Variants in MYO5B observed in about 807,000 individuals in gnomAD.
The protein encoded by MYO5B is myosin VB, also known as unconventional myosin-Vb.
A neutral mutation model predicts 229.3 loss-of-function variants in MYO5B; 143 were observed. That is an observed-to-expected ratio of 0.62 (90% confidence interval 0.54 to 0.72). The LOEUF is 0.72. MYO5B is among the 30% of genes least tolerant of loss of function. The probability of loss-of-function intolerance (pLI) is 0.00; values close to 1 mark genes in which losing one functional copy is unlikely to be tolerated. For synonymous variants in MYO5B, 918 were observed against 885.2 expected, an observed-to-expected ratio of 1.04 and a Z score of -0.66; for missense variants, 2,321 against 2,331.0, an observed-to-expected ratio of 1.00 and a Z score of 0.09.
At chr18:49,884,421 G>C (rs376337044) in intron 22 of MYO5B, among the ~76,000 whole-genome samples, 1 of 151,786 alleles carries the variant, frequency 6.6e-6, no homozygotes, top group African/African-American at 2.4e-5. Flanking sequence ...CCATAATGTA[G>C]AATCAGTGGG....
At chr18:50,052,981 G>T (rs932448001) in intron 2 of MYO5B, among the ~76,000 whole-genome samples, 2 of 152,168 alleles carry the variant, frequency 1.3e-5, no homozygotes, top group East Asian at 1.9e-4. Flanking sequence ...CAGGGGGAGG[G>T]AGGATGCACG....
intron 1 of MYO5B, among the ~76,000 whole-genome samples, chr18:50,115,856 T>G (rs185128693): frequency 6.6e-6 from 1 of 152,142 alleles, no homozygotes; most frequent in African/African-American, 2.4e-5. Flanking sequence ...AGTTCTGGAT[T>G]TTTTTCATTG....
At chr18:49,914,709 G>A (rs1047475732) in intron 17 of MYO5B, among the ~76,000 whole-genome samples, 2 of 150,866 alleles carry the variant, frequency 1.3e-5, no homozygotes, top group African/African-American at 2.4e-5. Context: ...GAAACCAGGA[G>A]GTGGAGGCTG....
chr18:49,905,257 C>T (rs573042209), intron 19 of MYO5B, among the ~76,000 whole-genome samples: 3 of 152,342 alleles, frequency 2.0e-5, no homozygotes, highest in African/African-American at 7.2e-5. Context: ...CCTGGACCCA[C>T]TGTAGGCACT....
intron 14 of MYO5B, among the ~76,000 whole-genome samples, chr18:49,944,992 C>T (rs1435662514): frequency 1.3e-5 from 2 of 152,218 alleles, no homozygotes; most frequent in African/African-American, 4.8e-5. Flanking sequence ...TCCTACCCGA[C>T]CTCTTCAAAG....
chr18:50,072,569 G>C (rs1306941879), intron 1 of MYO5B, among the ~76,000 whole-genome samples: 3 of 152,150 alleles, frequency 2.0e-5, no homozygotes, highest in African/African-American at 7.2e-5. Context: ...TACCTCACAA[G>C]GGCATCAAAA....
chr18:50,128,194 A>G (rs549878663), intron 1 of MYO5B, among the ~76,000 whole-genome samples: 1 of 152,298 alleles, frequency 6.6e-6, no homozygotes, highest in African/African-American at 2.4e-5. Flanking sequence ...ATACACTACT[A>G]TTGGTTTGGC....
intron 29 of MYO5B, among the ~76,000 whole-genome samples, chr18:49,858,626 G>A (rs922622108): frequency 5.3e-5 from 8 of 152,350 alleles, no homozygotes; most frequent in African/African-American, 1.4e-4. Flanking sequence ...TGGGGCACGC[G>A]AAGCTGACTC....
chr18:50,026,951 TC>T (rs1306757361), intron 4 of MYO5B, among the ~76,000 whole-genome samples: 1 of 152,194 alleles, frequency 6.6e-6, no homozygotes, highest in African/African-American at 2.4e-5. Flanking sequence ...CTCGTTACTG[TC>T]CCTGGACACT....
At chr18:49,930,999 A>C (rs758754286) in intron 16 of MYO5B, among the ~76,000 whole-genome samples, 1 of 152,138 alleles carries the variant, frequency 6.6e-6, no homozygotes, top group Non-Finnish European at 1.5e-5. Flanking sequence ...GCAACCTAGA[A>C]TTAATCACTA....
intron 35 of MYO5B, chr18:49,840,310 G>A (rs189717975): frequency 6.6e-5 from 10 of 152,316 alleles, no homozygotes; most frequent in Non-Finnish European, 1.3e-4. Context: ...GAAGTCATGG[G>A]GTTTGAAATG....
chr18:50,097,650 T>C (rs2031578159), intron 1 of MYO5B: 1 of 180,818 alleles, frequency 5.5e-6, no homozygotes, highest in African/African-American at 2.4e-5. Flanking sequence ...GATGGGTATG[T>C]CGACCTCACA....
chr18:49,911,864 A>C (rs938014780), intron 18 of MYO5B, among the ~76,000 whole-genome samples, 198 bp downstream of exon 18: 18 of 152,172 alleles, frequency 1.2e-4, no homozygotes, highest in Non-Finnish European at 2.1e-4. Flanking sequence ...GCTGTAAAAA[A>C]GGTTGGGAAG....
At chr18:49,907,335 G>A (rs2024910680) in intron 18 of MYO5B, among the ~76,000 whole-genome samples, 1 of 152,186 alleles carries the variant, frequency 6.6e-6, no homozygotes, top group South Asian at 2.1e-4. Flanking sequence ...ATAATTACAG[G>A]ATGCAAATAA....
Position 49,962,959 on chromosome 18 carries a change from T to A in MYO5B, c.1394A>T (p.Gln465Leu). The A allele has an allele frequency of 1.9e-6, 3 of 1,614,020 alleles. No individual in the cohort carries two copies. The highest frequency in any genetic ancestry group is 2.5e-6 in the Non-Finnish European group (3 of 1,179,912). Reference protein sequence around the residue: ...INYANEKLQQQFNSHVFKLEQ... With the variant: ...INYANEKLQQLFNSHVFKLEQ... ...AGAAACCAAGCCTACCGAGTTGAACTGCTGCTGGAGCTTTTCATTTGCATA... is the reference window on the plus strand; with the variant it reads ...AGAAACCAAGCCTACCGAGTTGAACAGCTGCTGGAGCTTTTCATTTGCATA... The change falls in exon 11 of 40, where the codon CAG becomes CTG. Residue 465 changes from glutamine (Q) to leucine (L), a missense_variant. Physicochemically the swap from Gln to Leu is moderately radical, Grantham distance 113. Transcript: ENST00000285039.
chr18:49,942,491 C>T (rs1021841352), intron 14 of MYO5B, among the ~76,000 whole-genome samples: 4 of 150,586 alleles, frequency 2.7e-5, no homozygotes, highest in African/African-American at 9.8e-5. Context: ...TATCCAGAAT[C>T]TACAATGAAC....
chr18:49,945,436 G>C (rs1215639163), intron 14 of MYO5B, among the ~76,000 whole-genome samples: 3 of 147,418 alleles, frequency 2.0e-5, no homozygotes, highest in Non-Finnish European at 3.0e-5. Context: ...CTGCCCACAG[G>C]GGAGTATCAT....
intron 8 of MYO5B, among the ~76,000 whole-genome samples, chr18:49,981,272 G>A (rs564102545): frequency 2.6e-5 from 4 of 152,370 alleles, no homozygotes; most frequent in African/African-American, 9.6e-5. Context: ...ATTTTTAAAA[G>A]ACTACAGAAC....
rs886053882 is a variant in MYO5B, at chr18:49,936,303, G to C, written c.1952C>G (p.Thr651Arg). 3 of 1,604,456 alleles carry C rather than the reference G, an allele frequency of 1.9e-6. No homozygotes were observed. The South Asian group carries it at 3.4e-5, about 18-fold the overall frequency. Residue 651 changes from threonine (T) to arginine (R), a missense_variant, in exon 16 of 40, where the codon ACA (threonine) becomes AGA (arginine). By Grantham distance (71) the Thr-to-Arg change is moderately conservative. Coordinates refer to ENST00000285039, the MANE Select transcript of MYO5B (RefSeq NM_001080467.3). Reference sequence around the variant, plus strand: ...CTTGATGCAGCGGACATAGTGAGGTGTCGTGGCATTCAGGGTCTCCATGAG... The same window carrying C: ...CTTGATGCAGCGGACATAGTGAGGTCTCGTGGCATTCAGGGTCTCCATGAG... The part of the protein sequence containing the change: ...HLLMETLNAT[T>R]PHYVRCIKPN...
Sources: allele counts gnomAD v4.1 joint callset (sites outside exome capture counted in the v4.1 genomes callset), GRCh38; gene constraint gnomAD v4.1.1; transcripts MANE v1.5; gene names NCBI Gene and HGNC (gene_info 2026-07-23, HGNC 2026-07-21).